Variants in LINGO2 observed in about 807,000 individuals in gnomAD.
LINGO2 encodes the protein leucine rich repeat and Ig domain containing 2, also known as leucine-rich repeat and immunoglobulin-like domain-containing nogo receptor-interacting protein 2.
In LINGO2, 14 loss-of-function variants were observed where a neutral mutation model predicts 30.6. The ratio of observed to expected loss-of-function variants is 0.46; its 90% CI spans 0.30 to 0.72. The LOEUF (loss-of-function observed/expected upper bound fraction) is 0.72. Ranked by LOEUF, LINGO2 falls within the 30% of genes least tolerant of loss-of-function variation. LINGO2 has a pLI of 0.07. For synonymous variants in LINGO2, 317 were observed against 288.5 expected, an observed-to-expected ratio of 1.10 and a Z score of -1.00; for missense variants, 729 against 751.7, an observed-to-expected ratio of 0.97 and a Z score of 0.35.
intron 4 of LINGO2, among the ~76,000 whole-genome samples, chr9:28,242,157 G>A (rs1160527298): frequency 6.6e-6 from 1 of 152,134 alleles, no homozygotes; most frequent in Admixed American, 6.5e-5. Flanking sequence ...TTCAGAAGGT[G>A]GGTAATAACA....
chr9:28,713,895 C>T, the LINGO2 span, among the ~76,000 whole-genome samples: 14 of 151,984 alleles, frequency 9.2e-5, no homozygotes, highest in Admixed American at 3.9e-4. Flanking sequence ...TGGTGGCTCA[C>T]GCCTGTAATC....
chr9:27,949,153 G>T, exon 6 of LINGO2: 1 of 1,614,062 alleles, frequency 6.2e-7, no homozygotes. Flanking sequence ...TAAAGAAAAC[G>T]ATCTGAAGCG....
chr9:28,889,926 G>GA, the LINGO2 span, among the ~76,000 whole-genome samples: 8 of 152,034 alleles, frequency 5.3e-5, no homozygotes, highest in East Asian at 1.9e-4. Context: ...TTGTTCAAAT[G>GA]AAAAAAATAA....
the LINGO2 span, among the ~76,000 whole-genome samples, chr9:29,141,192 A>G: frequency 6.6e-6 from 1 of 152,044 alleles, no homozygotes; most frequent in Non-Finnish European, 1.5e-5. Context: ...CTGGTATCAA[A>G]TTTAAAGACA....
intron 1 of LINGO2, among the ~76,000 whole-genome samples, chr9:28,480,281 T>C (rs1761799588): frequency 1.3e-5 from 2 of 151,934 alleles, no homozygotes; most frequent in African/African-American, 4.8e-5. Context: ...TATGATTTTC[T>C]TTGCACATAT....
At chr9:28,218,055 T>C (rs1479625114) in intron 4 of LINGO2, among the ~76,000 whole-genome samples, 1 of 150,728 alleles carries the variant, frequency 6.6e-6, no homozygotes, top group Non-Finnish European at 1.5e-5. Context: ...GATCAAGTTA[T>C]AGATTTGTAG....
At chr9:28,388,422 C>A (rs1039840775) in intron 2 of LINGO2, among the ~76,000 whole-genome samples, 1 of 152,174 alleles carries the variant, frequency 6.6e-6, no homozygotes, top group Non-Finnish European at 1.5e-5. Context: ...ACATAAGTGT[C>A]CCTTAGGTTT....
intron 1 of LINGO2, among the ~76,000 whole-genome samples, chr9:28,611,348 T>A (rs1262066166): frequency 6.8e-6 from 1 of 147,476 alleles, no homozygotes; most frequent in Non-Finnish European, 1.5e-5. Context: ...AATGTTAACA[T>A]TTGTGTGTGT....
intron 5 of LINGO2, among the ~76,000 whole-genome samples, chr9:27,960,641 A>G (rs963293576): frequency 9.2e-4 from 129 of 139,648 alleles, no homozygotes; most frequent in African/African-American, 3.2e-3. Context: ...TTTTACTTGT[A>G]CATACATGTG....
rs186516811 is a variant in LINGO2 at position 28,622,324 on chromosome 9, G to A, written c.-365+47876C>T. ...CCCCCAATACCCTCCCCAGCCTCTG[G>A]TAACCATCCTTCTACTCTCTCTGTC... is the stretch of plus-strand genomic sequence containing the variant. On this transcript the variant is annotated intron_variant, in intron 1 of 5. Coordinates refer to ENST00000379992, the Ensembl canonical transcript of LINGO2. Among the ~76,000 whole-genome samples, 223 of 151,734 alleles carry A rather than the reference G, an allele frequency of 1.5e-3. 4 individuals are homozygous for A. The highest frequency in any genetic ancestry group is 3.4e-3 in the Middle Eastern group (1 of 292).
chr9:28,030,708 C>A (rs1271374303), intron 4 of LINGO2, among the ~76,000 whole-genome samples: 2 of 152,124 alleles, frequency 1.3e-5, no homozygotes, highest in Non-Finnish European at 2.9e-5. Context: ...GCTAATTAAT[C>A]TTATTTGAAA....
At chr9:28,655,688 T>G (rs1267433224) in intron 1 of LINGO2, among the ~76,000 whole-genome samples, 1 of 151,972 alleles carries the variant, frequency 6.6e-6, no homozygotes, top group Non-Finnish European at 1.5e-5. Flanking sequence ...GATAGTGAGT[T>G]AGTTCTCATG....
chr9:28,202,962 G>A (rs978108026), intron 4 of LINGO2, among the ~76,000 whole-genome samples: 35 of 152,146 alleles, frequency 2.3e-4, no homozygotes, highest in African/African-American at 8.4e-4. Flanking sequence ...CTGTAAAGCA[G>A]GGGCTTTGTT....
the LINGO2 span, among the ~76,000 whole-genome samples, chr9:28,759,575 G>C: frequency 6.6e-6 from 1 of 151,750 alleles, no homozygotes; most frequent in Non-Finnish European, 1.5e-5. Context: ...CCAGCTACTC[G>C]GGAGGCTGAG....
chr9:28,601,614 C>T (rs571124947), intron 1 of LINGO2, among the ~76,000 whole-genome samples: 13 of 152,080 alleles, frequency 8.5e-5, no homozygotes, highest in South Asian at 2.1e-4. Context: ...TCTTTTTATA[C>T]GGCATAATTT....
chr9:28,306,482 A>C (rs1371166221), intron 3 of LINGO2, among the ~76,000 whole-genome samples: 1 of 152,158 alleles, frequency 6.6e-6, no homozygotes, highest in Non-Finnish European at 1.5e-5. Flanking sequence ...AGCAGGAAAG[A>C]TCCAAAACTG....
At chr9:28,797,351 TATATATATAGAGAGAG>T in the LINGO2 span, among the ~76,000 whole-genome samples, 33 of 62,506 alleles carry the variant, frequency 5.3e-4, no homozygotes, top group African/African-American at 1.7e-3. Context: ...TATATATATA[TATATATATAGAGAGAG>T]AGAGAGAGAG....
intron 4 of LINGO2, among the ~76,000 whole-genome samples, chr9:28,102,282 G>T (rs553216710): frequency 5.3e-5 from 8 of 152,042 alleles, no homozygotes; most frequent in African/African-American, 1.9e-4. Context: ...CAGCCATGTG[G>T]GAAACTAGTA....
upstream of LINGO2, among the ~76,000 whole-genome samples, chr9:28,675,131 G>GA (rs1314241061): frequency 6.6e-6 from 1 of 152,182 alleles, no homozygotes; most frequent in East Asian, 1.9e-4. Context: ...TATTCCTCAA[G>GA]AAATAAATTA....
Sources: allele counts gnomAD v4.1 joint callset (sites outside exome capture counted in the v4.1 genomes callset), GRCh38; gene constraint gnomAD v4.1.1; transcripts MANE v1.5; gene names NCBI Gene and HGNC (gene_info 2026-07-23, HGNC 2026-07-21).